Variants in SYT1 observed in about 807,000 individuals in gnomAD.
The protein encoded by SYT1 is synaptotagmin 1.
A neutral mutation model predicts 44.8 loss-of-function variants in SYT1; 8 were observed. That is an observed-to-expected ratio of 0.18 (90% CI 0.10 to 0.32). The LOEUF (loss-of-function observed/expected upper bound fraction) is 0.32, where lower values mean the gene tolerates loss of function less well. SYT1 is among the 10% of genes least tolerant of loss of function. The pLI, the probability that SYT1 is intolerant of heterozygous loss-of-function variation, is 1.00. For missense variants in SYT1, 286 were observed against 509.3 expected (o/e 0.56, Z 4.22); for synonymous variants, 154 against 188.8 (o/e 0.82, Z 1.51).
intron 9 of SYT1, among the ~76,000 whole-genome samples, chr12:79,358,947 T>C (rs1883217619): frequency 6.6e-6 from 1 of 152,168 alleles, no homozygotes; most frequent in Non-Finnish European, 1.5e-5. Flanking sequence ...GAACCACAAA[T>C]TGATTTTCTT....
intron 3 of SYT1, among the ~76,000 whole-genome samples, chr12:79,056,996 C>A (rs941449989): frequency 2.2e-4 from 34 of 151,988 alleles, no homozygotes; most frequent in Non-Finnish European, 1.0e-4. Flanking sequence ...AATCCTAACA[C>A]CACTTCTCCT....
At chr12:79,342,046 C>T (rs116123605) in intron 8 of SYT1, among the ~76,000 whole-genome samples, 120 of 152,142 alleles carry the variant, frequency 7.9e-4, no homozygotes, top group African/African-American at 2.8e-3. Context: ...TGGCGTGGCA[C>T]AGTTAATGAT....
At chr12:79,248,823 G>A (rs539500716) in intron 4 of SYT1, among the ~76,000 whole-genome samples, 1 of 152,268 alleles carries the variant, frequency 6.6e-6, no homozygotes, top group African/African-American at 2.4e-5. Context: ...CTGCAAAGGA[G>A]GTGATTGATT....
intron 9 of SYT1, among the ~76,000 whole-genome samples, chr12:79,416,561 T>G (rs1313680347): frequency 6.6e-6 from 1 of 152,186 alleles, no homozygotes; most frequent in Admixed American, 6.5e-5. Flanking sequence ...ATGCGAGCAT[T>G]GGTAATTTAG....
chr12:79,291,785 T>C, intron 5 of SYT1: 1 of 646,850 alleles, frequency 1.5e-6, no homozygotes, highest in African/African-American at 1.8e-5. Flanking sequence ...GAGGGGCTTC[T>C]TCCATCGCTT....
chr12:79,007,926 G>A (rs1871195060), intron 2 of SYT1, among the ~76,000 whole-genome samples: 1 of 152,070 alleles, frequency 6.6e-6, no homozygotes, highest in African/African-American at 2.4e-5. Flanking sequence ...CTTTCTAAGT[G>A]TCTGGCACTG....
At chr12:78,890,710 T>G (rs956368309) in intron 1 of SYT1, among the ~76,000 whole-genome samples, 1 of 151,856 alleles carries the variant, frequency 6.6e-6, no homozygotes, top group African/African-American at 2.4e-5. Flanking sequence ...CAAAATGGAC[T>G]CATTTTCCCC....
chr12:79,178,956 A>C (rs1377270716), intron 3 of SYT1, among the ~76,000 whole-genome samples: 2 of 75,386 alleles, frequency 2.7e-5, no homozygotes. Context: ...ATAGATATAG[A>C]TATAGATATA....
At chr12:79,063,227 T>C (rs1875519340) in intron 3 of SYT1, among the ~76,000 whole-genome samples, 1 of 152,166 alleles carries the variant, frequency 6.6e-6, no homozygotes, top group East Asian at 1.9e-4. Context: ...TTAGCATCAT[T>C]TGCAAAAATG....
At chr12:79,380,391 T>G (rs975709356) in intron 9 of SYT1, among the ~76,000 whole-genome samples, 41 of 152,154 alleles carry the variant, frequency 2.7e-4, no homozygotes, top group Admixed American at 2.2e-3. Context: ...GATGAAGAAT[T>G]TTTTGTTTAT....
intron 2 of SYT1, among the ~76,000 whole-genome samples, chr12:79,025,547 G>A (rs1170144192): frequency 6.6e-6 from 1 of 151,426 alleles, no homozygotes; most frequent in Non-Finnish European, 1.5e-5. Flanking sequence ...CAGATTTCTG[G>A]CTATTATACG....
intron 1 of SYT1, among the ~76,000 whole-genome samples, chr12:78,873,577 A>G (rs140179363): frequency 1.3e-5 from 2 of 151,742 alleles, no homozygotes; most frequent in African/African-American, 4.8e-5. Context: ...TGTAAACTCC[A>G]TAGTTCCAAG....
intron 1 of SYT1, among the ~76,000 whole-genome samples, chr12:78,931,453 GAGAA>G (rs1406851495): frequency 1.4e-5 from 2 of 147,408 alleles, no homozygotes; most frequent in Non-Finnish European, 3.0e-5. Context: ...AATAGAGAGA[GAGAA>G]AGAAAGAAAA....
intron 1 of SYT1, among the ~76,000 whole-genome samples, chr12:78,942,762 C>T (rs1428770961): frequency 2.0e-5 from 3 of 152,122 alleles, no homozygotes; most frequent in Non-Finnish European, 4.4e-5. Flanking sequence ...AAATATATTG[C>T]CTGGAACCAG....
chr12:79,358,444 G>A (rs1434622633), intron 9 of SYT1, among the ~76,000 whole-genome samples: 6 of 152,038 alleles, frequency 3.9e-5, no homozygotes, highest in East Asian at 1.9e-4. Context: ...TCTCATGATA[G>A]CCCTGTGAGA....
intron 4 of SYT1, among the ~76,000 whole-genome samples, chr12:79,222,195 T>G (rs1238687224): frequency 6.6e-6 from 1 of 152,084 alleles, no homozygotes; most frequent in Non-Finnish European, 1.5e-5. Context: ...TATTATTTGC[T>G]TCTTTTCTCT....
At position 79,317,568 on chromosome 12, in the gene SYT1, G is replaced by A. The variant is rs182066189; in HGVS notation, c.810+18017G>A. Reference sequence around the variant, plus strand: ...ACATTGCACAGTGGGAGAACCCGGGGCACACAAACCCAGCTCAAGTCAAGC... The same window carrying A: ...ACATTGCACAGTGGGAGAACCCGGGACACACAAACCCAGCTCAAGTCAAGC... On this transcript the variant is annotated intron_variant, in intron 8 of 10. Transcript: ENST00000261205. Among the ~76,000 whole-genome samples the A allele has an allele frequency of 2.1e-3, 324 of 152,218 alleles. 2 individuals carry two copies. The highest frequency in any genetic ancestry group is 7.6e-3 in the African/African-American group (314 of 41,538).
At chr12:79,157,457 A>G (rs1171694259) in intron 3 of SYT1, among the ~76,000 whole-genome samples, 1 of 152,208 alleles carries the variant, frequency 6.6e-6, no homozygotes, top group East Asian at 1.9e-4. Context: ...GAAAGTGACA[A>G]AAAGTCCCCC....
chr12:79,171,955 T>G (rs1871551443), intron 3 of SYT1, among the ~76,000 whole-genome samples: 1 of 151,992 alleles, frequency 6.6e-6, no homozygotes. Context: ...TTGTTAGAAT[T>G]TCTGGATTTA....
Sources: allele counts gnomAD v4.1 joint callset (sites outside exome capture counted in the v4.1 genomes callset), GRCh38; gene constraint gnomAD v4.1.1; transcripts MANE v1.5; gene names NCBI Gene and HGNC (gene_info 2026-07-23, HGNC 2026-07-21).